Variants in MAN1A1 observed in about 807,000 individuals in gnomAD.
MAN1A1 encodes the protein mannosyl-oligosaccharide 1,2-alpha-mannosidase IA.
In MAN1A1, 29 loss-of-function variants were observed where a neutral mutation model predicts 70.8. The observed-to-expected ratio is 0.41, with a 90% CI of 0.31 to 0.56. The LOEUF is 0.56. MAN1A1 is among the 20% of genes least tolerant of loss of function. The probability of loss-of-function intolerance (pLI) is 0.29; values close to 1 mark genes in which losing one functional copy is unlikely to be tolerated. For synonymous variants in MAN1A1, 349 were observed against 330.1 expected (o/e 1.06, Z -0.62); for missense variants, 747 against 841.3 (o/e 0.89, Z 1.39).
intron 5 of MAN1A1, among the ~76,000 whole-genome samples, chr6:119,287,720 T>A (rs540442604): frequency 6.6e-6 from 1 of 152,000 alleles, no homozygotes; most frequent in Non-Finnish European, 1.5e-5. Context: ...TCCTGCCATA[T>A]CAAAAGAAAC....
chr6:119,284,651 T>C (rs951566563), intron 5 of MAN1A1, among the ~76,000 whole-genome samples: 10 of 152,190 alleles, frequency 6.6e-5, no homozygotes, highest in African/African-American at 2.4e-4. Flanking sequence ...TTTTTTTAAG[T>C]ATAACTCTGG....
intron 2 of MAN1A1, among the ~76,000 whole-genome samples, chr6:119,329,582 T>C (rs911122603): frequency 1.3e-5 from 2 of 152,188 alleles, no homozygotes; most frequent in Non-Finnish European, 2.9e-5. Context: ...ATCTACTTGT[T>C]TGCCTTGTCC....
chr6:119,234,830 A>T (rs1049417150), intron 6 of MAN1A1, among the ~76,000 whole-genome samples: 1 of 152,176 alleles, frequency 6.6e-6, no homozygotes, highest in Non-Finnish European at 1.5e-5. Flanking sequence ...TACACATTGA[A>T]GGTCTGTGGC....
intron 5 of MAN1A1, among the ~76,000 whole-genome samples, chr6:119,250,254 A>G (rs1775280994): frequency 6.6e-6 from 1 of 152,212 alleles, no homozygotes; most frequent in African/African-American, 2.4e-5. Context: ...TTTTCAAGAA[A>G]CTTACATAAG....
intron 5 of MAN1A1, among the ~76,000 whole-genome samples, chr6:119,278,610 G>A (rs575865052): frequency 4.0e-5 from 6 of 151,840 alleles, no homozygotes; most frequent in South Asian, 2.1e-4. Flanking sequence ...ATGTTGCATC[G>A]TCAGTGATAA....
Position 119,189,867 on chromosome 6 carries a change from A to G in MAN1A1, c.1343T>C (p.Leu448Ser). The G allele has an allele frequency of 1.9e-6, 3 of 1,614,026 alleles. No homozygotes were observed. The highest frequency in any genetic ancestry group is 2.5e-6 in the Non-Finnish European group (3 of 1,179,912). ...TAGTCCGCTGCTAGACTTGCGGATC[A>G]AATGAGTCTCGATAGCCTGTGAAAA... ...FDAVQAIETH[L>S]IRKSSSGLTY... Residue 448 changes from leucine to serine, a missense_variant, in exon 10 of 13, where the codon TTG (leucine) becomes TCG (serine). By Grantham distance (145) the Leu-to-Ser change is moderately radical. This residue lies in a region of MAN1A1 where 419 missense variants were observed against 548.2 expected (regional missense o/e 0.76). Transcript: ENST00000368468.
At chr6:119,270,706 T>C (rs1350036631) in intron 5 of MAN1A1, among the ~76,000 whole-genome samples, 1 of 152,192 alleles carries the variant, frequency 6.6e-6, no homozygotes, top group Middle Eastern at 3.2e-3. Context: ...CCCGCTTGTG[T>C]CATTTACACC....
At chr6:119,191,135 A>C (rs1167050459) in intron 9 of MAN1A1, among the ~76,000 whole-genome samples, 1 of 152,236 alleles carries the variant, frequency 6.6e-6, no homozygotes, top group Non-Finnish European at 1.5e-5. Context: ...GTGCTCATTA[A>C]CCGTGGTTAA....
chr6:119,209,596 G>T (rs564845775), intron 6 of MAN1A1, among the ~76,000 whole-genome samples: 37 of 152,302 alleles, frequency 2.4e-4, no homozygotes, highest in African/African-American at 8.7e-4. Flanking sequence ...AGCACAGATT[G>T]GGAAAGAATA....
intron 6 of MAN1A1, among the ~76,000 whole-genome samples, chr6:119,244,752 G>A (rs1271626078): frequency 6.6e-6 from 1 of 152,010 alleles, no homozygotes. Flanking sequence ...ATCTCTCCTT[G>A]GTCCATCTTA....
At chr6:119,308,575 T>A (rs886655893) in intron 2 of MAN1A1, among the ~76,000 whole-genome samples, 20 of 152,230 alleles carry the variant, frequency 1.3e-4, no homozygotes, top group Admixed American at 1.0e-3. Context: ...TGGTATATGT[T>A]TTTGCACCTT....
chr6:119,281,935 G>A (rs1310194540), intron 5 of MAN1A1, among the ~76,000 whole-genome samples: 1 of 151,942 alleles, frequency 6.6e-6, no homozygotes, highest in Admixed American at 6.6e-5. Context: ...GGTGGCGGGA[G>A]TCTGTAATCC....
intron 2 of MAN1A1, among the ~76,000 whole-genome samples, chr6:119,319,384 A>ATCATCATCATC (rs1554215450): frequency 1.4e-5 from 2 of 144,280 alleles, no homozygotes; most frequent in African/African-American, 2.6e-5. Context: ...TAATAATAAT[A>ATCATCATCATC]ATAATAATCA....
chr6:119,206,177 C>G (rs1773853993), intron 6 of MAN1A1, among the ~76,000 whole-genome samples: 1 of 152,196 alleles, frequency 6.6e-6, no homozygotes, highest in South Asian at 2.1e-4. Flanking sequence ...AGCTGTTACA[C>G]TGCAGAATGG....
At chr6:119,350,438 C>T (rs1773882248), upstream of MAN1A1, 1 of 619,052 alleles carries the variant, frequency 1.6e-6, no homozygotes, top group Non-Finnish European at 2.0e-6. Flanking sequence ...GGACTTTTTT[C>T]GTATGCGCCC....
rs77942688 is a variant in MAN1A1, at chr6:119,262,433, T to C, written c.898-14079A>G. Among the ~76,000 whole-genome samples, 313 of 152,114 alleles carry C rather than the reference T, an allele frequency of 2.1e-3. 2 individuals are homozygous for C. Among genetic ancestry groups the C allele is most frequent in the African/African-American group, 7.5e-3 (309 of 41,476 alleles). On this transcript the variant is annotated intron_variant, in intron 5 of 12. Transcript: ENST00000368468. ...ATTTCAAAAGCCTGTTTAAAAAACT[T>C]CATTATATGGCTATTATAAAAAGTA...
At chr6:119,319,482 T>C (rs1772949585) in intron 2 of MAN1A1, among the ~76,000 whole-genome samples, 1 of 151,948 alleles carries the variant, frequency 6.6e-6, no homozygotes, top group African/African-American at 2.4e-5. Context: ...TAAAATAGAC[T>C]GCATTACTTA....
intron 6 of MAN1A1, among the ~76,000 whole-genome samples, chr6:119,206,446 C>T (rs1166471550): frequency 1.3e-5 from 2 of 152,138 alleles, no homozygotes; most frequent in Non-Finnish European, 2.9e-5. Flanking sequence ...GTCCTGGGCT[C>T]GCCTCACTCT....
chr6:119,307,038 T>A, intron 2 of MAN1A1, 46 bp from the exon 3 acceptor site: 1 of 1,314,202 alleles, frequency 7.6e-7, no homozygotes, highest in South Asian at 1.2e-5. Flanking sequence ...ATGGAGATGT[T>A]TTTGCTACAA....
Sources: gnomAD v4.1 joint callset for allele counts (sites outside exome capture counted in the v4.1 genomes callset) on GRCh38, gnomAD v4.1.1 for gene constraint, gnomAD v4.1.1 regional missense constraint, MANE v1.5 for transcripts, NCBI Gene and HGNC (gene_info 2026-07-23, HGNC 2026-07-21) for gene names.